VCAN: variants seen among roughly 807,000 people sequenced by gnomAD.
VCAN encodes versican.
VCAN carries 44 observed loss-of-function variants against 245.5 expected under a neutral mutation model. The observed-to-expected ratio is 0.18, with a 90% CI of 0.14 to 0.23. VCAN has a LOEUF of 0.23. VCAN is among the 10% of genes least tolerant of loss of function. The probability of loss-of-function intolerance (pLI) is 1.00; values close to 1 mark genes in which losing one functional copy is unlikely to be tolerated. For synonymous variants in VCAN, 1,413 were observed against 1,437.0 expected (o/e 0.98, Z 0.38); for missense variants, 3,793 against 4,057.9 (o/e 0.93, Z 1.77).
At position 83,539,091 on chromosome 5, in the gene VCAN, G is replaced by T. The variant is rs150331976; in HGVS notation, c.6088G>T (p.Val2030Leu). Residue 2030 changes from valine to leucine, a missense_variant, in exon 8 of 15, where the codon GTG (valine) becomes TTG (leucine). Val to Leu is a conservative substitution (Grantham distance 32). Transcript: ENST00000265077. ...TGTTGTTCCAGTGCTTCCCAGTGCTGTGCAAAAGTTTTCTGGTACAGCTTC... is the reference window on the plus strand; with the variant it reads ...TGTTGTTCCAGTGCTTCCCAGTGCTTTGCAAAAGTTTTCTGGTACAGCTTC... ...SSVVPVLPSA[V>L]QKFSGTASSI... is the part of the protein sequence containing the mutation. 127 of 1,613,990 alleles carry T rather than the reference G, an allele frequency of 7.9e-5. 2 individuals carry two copies. In the South Asian group the frequency reaches 1.4e-3, roughly 17 times the overall value.
rs2112447320 is a variant in VCAN at position 83,540,434 on chromosome 5, T to C, written c.7431T>C (p.Val2477=). 1.2e-6 allele frequency: 2 copies of C among 1,614,038 alleles called. No individual in the cohort carries two copies. Among genetic ancestry groups the C allele is most frequent in the Non-Finnish European group, 1.7e-6 (2 of 1,179,954 alleles). The change falls in exon 8 of 15, where the codon GTT becomes GTC. Residue 2477 remains valine (V), a synonymous_variant. Coordinates refer to ENST00000265077, the MANE Select transcript of VCAN (RefSeq NM_004385.5). ...KHPEVPSAKA[V]TADGFPTVSV... ...CTGAGGTGCCAAGCGCTAAAGCTGT[T>C]ACTGCTGATGGATTCCCAACAGTTT...
At chr5:83,500,288 A>C (rs1432376041) in intron 5 of VCAN, among the ~76,000 whole-genome samples, 1 of 152,156 alleles carries the variant, frequency 6.6e-6, no homozygotes, top group African/African-American at 2.4e-5. Flanking sequence ...AGATGCTAAA[A>C]ACTTTTTAAT....
intron 13 of VCAN, among the ~76,000 whole-genome samples, chr5:83,575,765 C>G (rs939796207): frequency 6.6e-6 from 1 of 152,150 alleles, no homozygotes; most frequent in African/African-American, 2.4e-5. Flanking sequence ...ACGTTGAGAA[C>G]CACTGCCCTA....
chr5:83,540,442 A>G lies in VCAN; in HGVS notation c.7439A>G (p.Asp2480Gly), dbSNP rs538228734. ...CCAAGCGCTAAAGCTGTTACTGCTG[A>G]TGGATTCCCAACAGTTTCAGTGATG... is the stretch of plus-strand genomic sequence containing the variant. ...EVPSAKAVTADGFPTVSVMLP... is the reference protein window; with the variant it reads ...EVPSAKAVTAGGFPTVSVMLP... Residue 2480 changes from aspartate (D) to glycine (G), a missense_variant, in exon 8 of 15, where the codon GAT becomes GGT. Physicochemically the swap from Asp to Gly is moderately conservative, Grantham distance 94 (BLOSUM62 -1). Coordinates refer to ENST00000265077, the MANE Select transcript of VCAN (RefSeq NM_004385.5). 1.2e-6 allele frequency: 2 copies of G among 1,613,898 alleles called. No individual in the cohort carries two copies. Among genetic ancestry groups the G allele is most frequent in the Non-Finnish European group, 1.7e-6 (2 of 1,179,954 alleles).
Position 83,542,206 on chromosome 5 carries a change from A to C in VCAN, c.9203A>C (p.Glu3068Ala), listed in dbSNP as rs754975280. 3.7e-6 allele frequency: 6 copies of C among 1,613,970 alleles called. No homozygotes were observed. In the Admixed American group the frequency reaches 8.3e-5, roughly 22 times the overall value. The change falls in exon 8 of 15, where the codon GAA (glutamate) becomes GCA (alanine). Residue 3068 changes from glutamate to alanine, a missense_variant. By Grantham distance (107) the Glu-to-Ala change is moderately radical (BLOSUM62 -1). Transcript: ENST00000265077. ...PPFSLLETSNETDFLIGINEE... is the reference protein window; with the variant it reads ...PPFSLLETSNATDFLIGINEE... ...TTTTCCCTTCTGGAGACTTCTAATG[A>C]AACAGATTTCCTGATTGGCATTAAT...
At chr5:83,543,867 C>G (rs928178638) in intron 8 of VCAN, among the ~76,000 whole-genome samples, 16 of 152,194 alleles carry the variant, frequency 1.1e-4, no homozygotes, top group African/African-American at 3.6e-4. Context: ...CCTGGTCTAT[C>G]TGTTGCAGAT....
intron 13 of VCAN, among the ~76,000 whole-genome samples, chr5:83,574,542 C>T (rs1473548561): frequency 6.6e-6 from 1 of 152,104 alleles, no homozygotes; most frequent in Non-Finnish European, 1.5e-5. Flanking sequence ...TTTAATATTT[C>T]AGAATTATGA....
chr5:83,563,776 G>A (rs1379355378), intron 12 of VCAN, among the ~76,000 whole-genome samples: 1 of 152,142 alleles, frequency 6.6e-6, no homozygotes, highest in Non-Finnish European at 1.5e-5. Context: ...TCTTACTGCA[G>A]GTGTCATGTT....
chr5:83,477,567 A>AAT (rs1744436653), intron 1 of VCAN, among the ~76,000 whole-genome samples: 1 of 152,222 alleles, frequency 6.6e-6, no homozygotes, highest in African/African-American at 2.4e-5. Flanking sequence ...GATTAAAAAA[A>AAT]ATAAGTTAGG....
intron 7 of VCAN, among the ~76,000 whole-genome samples, chr5:83,529,871 T>C (rs1464567665): frequency 6.6e-6 from 1 of 152,122 alleles, no homozygotes; most frequent in African/African-American, 2.4e-5. Context: ...TCCTGTGGGC[T>C]TTAAAAATTA....
At position 83,520,517 on chromosome 5, in the gene VCAN, A is replaced by G. The variant is rs775148679; in HGVS notation, c.2211A>G (p.Thr737=). The G allele has an allele frequency of 1.2e-6, 2 of 1,614,082 alleles. No individual in the cohort carries two copies. Among genetic ancestry groups the G allele is most frequent in the South Asian group, 1.1e-5 (1 of 91,076 alleles). Residue 737 remains threonine, a synonymous_variant, in exon 7 of 15, where the codon ACA becomes ACG. Coordinates refer to ENST00000265077, the MANE Select transcript of VCAN (RefSeq NM_004385.5). ...STSLSEPIHV[T]ESSVEMTKSF... ...CTCTCTCAGAGCCAATTCATGTTAC[A>G]GAGTCTTCTGTGGAAATGACCAAGT...
intron 5 of VCAN, among the ~76,000 whole-genome samples, chr5:83,494,236 T>G (rs1305991088): frequency 6.6e-6 from 1 of 152,084 alleles, no homozygotes; most frequent in African/African-American, 2.4e-5. Flanking sequence ...GCTGTAAGGG[T>G]GGTACCTATT....
At chr5:83,497,461 A>G (rs1320385752) in intron 5 of VCAN, among the ~76,000 whole-genome samples, 1 of 152,178 alleles carries the variant, frequency 6.6e-6, no homozygotes, top group Non-Finnish European at 1.5e-5. Flanking sequence ...CTGCTTTTCA[A>G]AATAACCTAT....
intron 5 of VCAN, among the ~76,000 whole-genome samples, chr5:83,505,630 G>A (rs943721106): frequency 5.3e-5 from 8 of 152,188 alleles, no homozygotes; most frequent in Non-Finnish European, 1.2e-4. Flanking sequence ...CACAGTGCAA[G>A]CTGTCAGTGG....
intron 1 of VCAN, among the ~76,000 whole-genome samples, chr5:83,482,324 T>G (rs1319369968): frequency 6.6e-6 from 1 of 152,190 alleles, no homozygotes; most frequent in African/African-American, 2.4e-5. Flanking sequence ...CAGGGACCCT[T>G]CACTGGAGGA....
At chr5:83,565,432 TGA>T (rs5869185) in intron 12 of VCAN, among the ~76,000 whole-genome samples, 1 of 151,042 alleles carries the variant, frequency 6.6e-6, no homozygotes, top group South Asian at 2.1e-4. Flanking sequence ...TGTGTATGTG[TGA>T]GAGAGAGACA....
intron 13 of VCAN, among the ~76,000 whole-genome samples, chr5:83,575,503 T>C (rs1045035409): frequency 1.9e-4 from 29 of 152,240 alleles, no homozygotes; most frequent in Non-Finnish European, 5.9e-5. Context: ...TTTCATTTTA[T>C]GATTTAAACA....
Position 83,539,749 on chromosome 5 carries a change from C to T in VCAN, c.6746C>T (p.Thr2249Ile). The part of the protein sequence containing the change: ...GMRPTIQESD[T>I]ELLFSGLGSG... ...AGACCAACAATTCAAGAGTCAGATA[C>T]TGAGCTCTTATTCTCTGGACTGGGA... The change falls in exon 8 of 15, where the codon ACT becomes ATT. Residue 2249 changes from threonine to isoleucine, a missense_variant. Coordinates refer to ENST00000265077, the MANE Select transcript of VCAN (RefSeq NM_004385.5). The T allele has an allele frequency of 6.2e-7, 1 of 1,613,896 alleles. No individual in the cohort carries two copies. Among genetic ancestry groups the T allele is most frequent in the Non-Finnish European group, 8.5e-7 (1 of 1,179,974 alleles).
At chr5:83,473,505 C>G (rs983488525) in intron 1 of VCAN, among the ~76,000 whole-genome samples, 1 of 152,266 alleles carries the variant, frequency 6.6e-6, no homozygotes, top group East Asian at 1.9e-4. Context: ...CTTCCCCTCT[C>G]CCAGCCTCTG....
Sources: gnomAD v4.1 joint callset for allele counts (sites outside exome capture counted in the v4.1 genomes callset) on GRCh38, gnomAD v4.1.1 for gene constraint, MANE v1.5 for transcripts, NCBI Gene and HGNC (gene_info 2026-07-23, HGNC 2026-07-21) for gene names.